CCR5AS: variants seen among roughly 807,000 people sequenced by gnomAD.
The protein encoded by CCR5AS is CCR5 antisense RNA.
chr3:46,385,125 G>A (rs1184032022), intron 2 of CCR5AS, among the ~76,000 whole-genome samples: 1 of 152,160 alleles, frequency 6.6e-6, no homozygotes, highest in Non-Finnish European at 1.5e-5. Context: ...CACAGTACCC[G>A]AGTGCATTAG....
At chr3:46,387,194 C>G (rs190518042) in intron 2 of CCR5AS, among the ~76,000 whole-genome samples, 4 of 152,150 alleles carry the variant, frequency 2.6e-5, no homozygotes, top group Non-Finnish European at 5.9e-5. Context: ...ATGAGTCAAT[C>G]GGATCCTAGC....
At chr3:46,389,108 T>G (rs1701886342) in intron 2 of CCR5AS, among the ~76,000 whole-genome samples, 1 of 148,850 alleles carries the variant, frequency 6.7e-6, no homozygotes, top group Non-Finnish European at 1.5e-5. Flanking sequence ...TGGGGGTGAC[T>G]GCGTAGAGCT....
At chr3:46,370,199 G>A (rs1429712227) in intron 3 of CCR5AS, among the ~76,000 whole-genome samples, 1 of 152,164 alleles carries the variant, frequency 6.6e-6, no homozygotes, top group Non-Finnish European at 1.5e-5. Flanking sequence ...CTGGCATAGT[G>A]TGAGTCCTCA....
intron 2 of CCR5AS, chr3:46,372,756 A>G (rs779855142): frequency 3.2e-6 from 2 of 629,792 alleles, no homozygotes; most frequent in Non-Finnish European, 5.3e-6. Context: ...TGCTTGGCCA[A>G]AAAGAGAGTT....
At chr3:46,379,927 A>AATAT (rs1166451231) in intron 2 of CCR5AS, among the ~76,000 whole-genome samples, 1 of 151,704 alleles carries the variant, frequency 6.6e-6, no homozygotes, top group Non-Finnish European at 1.5e-5. Context: ...TAAATAAATA[A>AATAT]ATAAATAAAT....
At chr3:46,390,851 A>T (rs1162322559) in intron 2 of CCR5AS, among the ~76,000 whole-genome samples, 1 of 152,206 alleles carries the variant, frequency 6.6e-6, no homozygotes, top group East Asian at 1.9e-4. Context: ...CCTCGCCGAC[A>T]ATACCCACAA....
intron 2 of CCR5AS, chr3:46,374,733 T>C (rs1469128520): frequency 1.2e-5 from 2 of 167,214 alleles, no homozygotes; most frequent in Non-Finnish European, 2.9e-5. Flanking sequence ...GTCTAAGTCA[T>C]GAGCTGAGCA....
intron 2 of CCR5AS, among the ~76,000 whole-genome samples, chr3:46,388,090 G>C (rs1559573444): frequency 6.6e-6 from 1 of 152,154 alleles, no homozygotes; most frequent in Non-Finnish European, 1.5e-5. Context: ...GGTCACAGGG[G>C]ATATGATGGC....
intron 2 of CCR5AS, among the ~76,000 whole-genome samples, chr3:46,376,602 G>A (rs959298643): frequency 2.6e-5 from 4 of 152,150 alleles, no homozygotes; most frequent in African/African-American, 9.7e-5. Context: ...GTCATGGCCT[G>A]GTCACTTACC....
At chr3:46,397,243 T>A (rs1349035491) in intron 1 of CCR5AS, among the ~76,000 whole-genome samples, 1 of 152,188 alleles carries the variant, frequency 6.6e-6, no homozygotes, top group Non-Finnish European at 1.5e-5. Flanking sequence ...CTCCCTGAAT[T>A]ATAGTCAGTT....
intron 2 of CCR5AS, among the ~76,000 whole-genome samples, chr3:46,391,753 A>G (rs1258530935): frequency 2.0e-5 from 3 of 152,068 alleles, no homozygotes; most frequent in Non-Finnish European, 2.9e-5. Context: ...AGAGAAGGTG[A>G]CCAAAGGTTT....
chr3:46,402,049 C>T (rs1205197192), intron 1 of CCR5AS, among the ~76,000 whole-genome samples: 1 of 152,080 alleles, frequency 6.6e-6, no homozygotes, highest in African/African-American at 2.4e-5. Flanking sequence ...GTTTTTTAGT[C>T]CAGCAATTTT....
At chr3:46,385,987 C>T (rs1056946183) in intron 2 of CCR5AS, among the ~76,000 whole-genome samples, 2 of 152,090 alleles carry the variant, frequency 1.3e-5, no homozygotes, top group African/African-American at 4.8e-5. Context: ...TGTTGGCTCG[C>T]TGCAACCTCT....
chr3:46,371,483 T>A (rs1701659133), intron 2 of CCR5AS: 1 of 152,182 alleles, frequency 6.6e-6, no homozygotes, highest in Admixed American at 6.5e-5. Flanking sequence ...AATATATCAG[T>A]TTCATGGCAC....
intron 2 of CCR5AS, chr3:46,372,782 T>G (rs1462510579): frequency 5.4e-6 from 4 of 737,338 alleles, no homozygotes; most frequent in Non-Finnish European, 8.8e-6. Flanking sequence ...AATGTAGACA[T>G]CTATGTAGGC....
At chr3:46,370,190 T>A (rs760982900) in intron 3 of CCR5AS, among the ~76,000 whole-genome samples, 10 of 152,218 alleles carry the variant, frequency 6.6e-5, no homozygotes, top group Non-Finnish European at 1.5e-4. Flanking sequence ...CCTATGTATC[T>A]GGCATAGTGT....
chr3:46,399,480 A>G (rs1407986382), intron 1 of CCR5AS, among the ~76,000 whole-genome samples: 1 of 152,196 alleles, frequency 6.6e-6, no homozygotes, highest in Non-Finnish European at 1.5e-5. Context: ...GAGACAGTAA[A>G]TGGTCTGACC....
chr3:46,406,391 C>T lies in CCR5AS; in HGVS notation n.163+506G>A, dbSNP rs533289078. On this transcript the variant is annotated intron_variant and non_coding_transcript_variant, in intron 1 of 3. Transcript: ENST00000451485. ...TTCATTATTTTCAAGTTCCTCTTCT[C>T]GGTTCGTCCTTCTTCCAGACCGTGC... is the stretch of plus-strand genomic sequence containing the variant. 4.6e-5 allele frequency among the ~76,000 whole-genome samples: 7 copies of T among 152,104 alleles called. No homozygotes were observed. In the East Asian group the frequency reaches 5.8e-4, roughly 13 times the overall value.
At chr3:46,380,374 G>A (rs1279781832) in intron 2 of CCR5AS, among the ~76,000 whole-genome samples, 4 of 152,144 alleles carry the variant, frequency 2.6e-5, no homozygotes, top group Non-Finnish European at 4.4e-5. Flanking sequence ...AAGGAGAAAA[G>A]AGAAAATAAT....
Sources: gnomAD v4.1 joint callset for allele counts (sites outside exome capture counted in the v4.1 genomes callset) on GRCh38, gnomAD v4.1.1 for gene constraint, MANE v1.5 for transcripts, NCBI Gene and HGNC (gene_info 2026-07-23, HGNC 2026-07-21) for gene names.